Variants in RNF212B observed in about 807,000 individuals in gnomAD.
RNF212B encodes the protein E3 ubiquitin-protein ligase RNF212B.
In RNF212B, 52 loss-of-function variants were observed where a neutral mutation model predicts 55.5. The observed-to-expected ratio is 0.94, with a 90% confidence interval of 0.75 to 1.18. The LOEUF (loss-of-function observed/expected upper bound fraction) is 1.18. RNF212B is among the 50% of genes most tolerant of loss of function. RNF212B has a pLI of 0.00. For synonymous variants in RNF212B, 99 were observed against 121.4 expected, an observed-to-expected ratio of 0.82 and a Z score of 1.21; for missense variants, 289 against 350.4, an observed-to-expected ratio of 0.82 and a Z score of 1.40.
Position 23,273,154 on chromosome 14 carries a change from T to C in RNF212B, c.*263T>C. The C allele has an allele frequency of 3.4e-6, 1 of 295,076 alleles. No individual in the cohort carries two copies. The highest frequency in any genetic ancestry group is 6.1e-5 in the East Asian group (1 of 16,468). 18.3% of individuals were successfully genotyped at this position (295,076 alleles called of 1,614,324 possible). On this transcript the variant is annotated 3_prime_UTR_variant, in exon 15 of 15. Transcript: ENST00000430154. ...GTAGCTCCCCTCATTTCCTACAATT[T>C]GGAACAAAGGTCAAAAAAATAATTC... is the stretch of plus-strand genomic sequence containing the variant.
upstream of RNF212B, among the ~76,000 whole-genome samples, chr14:23,237,054 C>T (rs1883162895): frequency 6.7e-6 from 1 of 150,304 alleles, no homozygotes; most frequent in South Asian, 2.1e-4. Context: ...GCCTCGACCC[C>T]GTGGGATTAA....
chr14:23,251,344 G>A (rs1408093024), intron 4 of RNF212B, among the ~76,000 whole-genome samples: 2 of 152,098 alleles, frequency 1.3e-5, no homozygotes, highest in African/African-American at 4.8e-5. Context: ...AGACTGCCCC[G>A]ACTCTGGACA....
chr14:23,233,934 T>C (rs1019900731), upstream of RNF212B, among the ~76,000 whole-genome samples: 1 of 151,938 alleles, frequency 6.6e-6, no homozygotes, highest in East Asian at 1.9e-4. Flanking sequence ...CTGTCTCTAC[T>C]AAAAATACAA....
At chr14:23,214,220 A>C (rs374760688) in intron 2 of RNF212B, among the ~76,000 whole-genome samples, 20 of 152,340 alleles carry the variant, frequency 1.3e-4, no homozygotes, top group African/African-American at 4.6e-4. Context: ...AAGGCTGGGC[A>C]TGGCGGCTCA....
rs1566438458 is a variant in RNF212B at position 23,262,646 on chromosome 14, C to T, written c.435-19C>T. 6.6e-7 allele frequency: 1 copy of T among 1,514,232 alleles called. No homozygotes were observed. Among genetic ancestry groups the T allele is most frequent in the East Asian group, 2.5e-5 (1 of 40,312 alleles). The allele number at this position is 1,514,232 out of a possible 1,614,324, so 93.8% of individuals were successfully genotyped here. A position where few individuals can be genotyped will look rare whatever the true frequency, so the allele number is the denominator to read the frequency against. On this transcript the variant is annotated intron_variant, in intron 7 of 14. Transcript: ENST00000430154. Reference sequence around the variant, plus strand: ...CTGCCTAGAGAGATTAGAGCCGCCTCTTTTTTTTTCCCTTGCAGGTCAATC... The same window carrying T: ...CTGCCTAGAGAGATTAGAGCCGCCTTTTTTTTTTTCCCTTGCAGGTCAATC...
At chr14:23,192,892 G>A (rs1272990614) in intron 1 of RNF212B, among the ~76,000 whole-genome samples, 1 of 151,996 alleles carries the variant, frequency 6.6e-6, no homozygotes, top group Non-Finnish European at 1.5e-5. Flanking sequence ...GGGAGTTTGA[G>A]ACCAGCCTGA....
chr14:23,196,781 T>G (rs1944441360), intron 2 of RNF212B, among the ~76,000 whole-genome samples: 1 of 152,206 alleles, frequency 6.6e-6, no homozygotes, highest in East Asian at 1.9e-4. Context: ...TCCTTCTGCC[T>G]AGAGGCTTCT....
At chr14:23,219,102 A>G (rs988271132) in intron 2 of RNF212B, among the ~76,000 whole-genome samples, 3 of 152,218 alleles carry the variant, frequency 2.0e-5, no homozygotes, top group Non-Finnish European at 4.4e-5. Flanking sequence ...AATATCCTTC[A>G]AACATGAAGG....
At chr14:23,211,111 G>A (rs1880470447) in intron 2 of RNF212B, among the ~76,000 whole-genome samples, 1 of 151,456 alleles carries the variant, frequency 6.6e-6, no homozygotes, top group Non-Finnish European at 1.5e-5. Flanking sequence ...CCAGCTACCT[G>A]GGAGGCTGAG....
intron 4 of RNF212B, among the ~76,000 whole-genome samples, chr14:23,257,152 C>T (rs1376446113): frequency 1.2e-5 from 1 of 80,614 alleles, no homozygotes; most frequent in East Asian, 3.7e-4. Context: ...GACTCAGTCA[C>T]ACACACACAA....
At chr14:23,239,313 GC>G (rs1883383015) in intron 1 of RNF212B, among the ~76,000 whole-genome samples, 1 of 152,156 alleles carries the variant, frequency 6.6e-6, no homozygotes, top group Non-Finnish European at 1.5e-5. Context: ...ACCCACCTCG[GC>G]CTCCCAAAGT....
chr14:23,237,146 T>A (rs185105657), upstream of RNF212B, among the ~76,000 whole-genome samples: 4 of 150,476 alleles, frequency 2.7e-5, no homozygotes, highest in East Asian at 5.9e-4. Flanking sequence ...TTTTTTTTTT[T>A]AAAGACGGAG....
At chr14:23,232,788 G>GGT (rs1238770555) in intron 2 of RNF212B, among the ~76,000 whole-genome samples, 1 of 147,900 alleles carries the variant, frequency 6.8e-6, no homozygotes, top group Non-Finnish European at 1.5e-5. Context: ...GGGAGGTGGG[G>GGT]GGGGGGTCAG....
chr14:23,232,578 C>T (rs1882752242), intron 2 of RNF212B, among the ~76,000 whole-genome samples: 1 of 151,606 alleles, frequency 6.6e-6, no homozygotes, highest in South Asian at 2.1e-4. Flanking sequence ...CAGCAGCCAC[C>T]CCGTCCGGGA....
intron 4 of RNF212B, among the ~76,000 whole-genome samples, chr14:23,248,250 C>A (rs2140449282): frequency 6.6e-6 from 1 of 151,834 alleles, no homozygotes; most frequent in African/African-American, 2.4e-5. Context: ...ACCTCACCCT[C>A]CCAGGTAGCT....
intron 2 of RNF212B, among the ~76,000 whole-genome samples, chr14:23,226,024 G>C (rs1254886109): frequency 6.6e-6 from 1 of 152,046 alleles, no homozygotes; most frequent in Non-Finnish European, 1.5e-5. Context: ...ACTCGGCTGG[G>C]CGCGGTGGCT....
At chr14:23,220,180 C>T (rs80066843) in intron 2 of RNF212B, among the ~76,000 whole-genome samples, 24,510 of 147,636 alleles carry the variant, frequency 0.17, 2,028 homozygotes, top group Non-Finnish European at 0.18. Context: ...GCAAAACTGT[C>T]TCGGGAAAAA....
intron 2 of RNF212B, among the ~76,000 whole-genome samples, chr14:23,217,255 TG>T (rs374552073): frequency 1.4e-3 from 33 of 23,958 alleles, no homozygotes; most frequent in South Asian, 6.5e-3. Flanking sequence ...GTGGCAGTGG[TG>T]GGGGGGGGGC....
At chr14:23,212,823 A>G (rs1880661461) in intron 2 of RNF212B, among the ~76,000 whole-genome samples, 2 of 152,088 alleles carry the variant, frequency 1.3e-5, no homozygotes, top group South Asian at 4.1e-4. Context: ...TAAATTCTAA[A>G]AGACAATACC....
Sources: gnomAD v4.1 joint callset for allele counts (sites outside exome capture counted in the v4.1 genomes callset) on GRCh38, gnomAD v4.1.1 for gene constraint, MANE v1.5 for transcripts, NCBI Gene and HGNC (gene_info 2026-07-23, HGNC 2026-07-21) for gene names.